Variants in ATRAID observed in about 807,000 individuals in gnomAD.
ATRAID encodes the protein all-trans retinoic acid induced differentiation factor, also known as all-trans retinoic acid-induced differentiation factor.
ATRAID carries 26 observed loss-of-function variants against 28.8 expected under a neutral mutation model. The ratio of observed to expected loss-of-function variants is 0.90; its 90% CI spans 0.66 to 1.25. The LOEUF (loss-of-function observed/expected upper bound fraction) is 1.25. Ranked by LOEUF, ATRAID falls within the 50% of genes most tolerant of loss-of-function variation. ATRAID has a pLI of 0.00. For synonymous variants in ATRAID, 131 were observed against 108.5 expected (o/e 1.21, Z -1.29); for missense variants, 308 against 285.9 (o/e 1.08, Z -0.56).
At position 27,216,873 on chromosome 2, in the gene ATRAID, G is replaced by A. The variant is rs1674867134; in HGVS notation, c.615G>A (p.Gly205=). 6.2e-7 allele frequency: 1 copy of A among 1,614,052 alleles called. No individual in the cohort carries two copies. The highest frequency in any genetic ancestry group is 1.3e-5 in the African/African-American group (1 of 74,920). ...CGTTCTCACTGCTTATGTTCTTCGG[G>A]ATTCTGGGAGCCACCACTCTATCCG... ...QGSFSLLMFF[G]ILGATTLSVS... is the part of the protein sequence containing the mutation. Residue 205 remains glycine (G), a synonymous_variant, in exon 7 of 7, where the codon GGG becomes GGA. Coordinates refer to ENST00000380171, the MANE Select transcript of ATRAID (RefSeq NM_001170795.4).
At chr2:27,216,049 AC>A (rs1159510565) in intron 5 of ATRAID, among the ~76,000 whole-genome samples, 1 of 152,190 alleles carries the variant, frequency 6.6e-6, no homozygotes, top group Non-Finnish European at 1.5e-5. Context: ...ATTAGTTCTT[AC>A]AGGTTTTGGG....
intron 6 of ATRAID, 46 bp downstream of exon 6, chr2:27,216,666 G>A (rs1477176317): frequency 6.5e-7 from 1 of 1,548,510 alleles, no homozygotes; most frequent in South Asian, 1.1e-5. Context: ...AATGCATAGA[G>A]CAAGTCTTCT....
chr2:27,215,577 G>C (rs1449580970), intron 4 of ATRAID, 32 bp downstream of exon 4: 2 of 1,614,184 alleles, frequency 1.2e-6, no homozygotes, highest in Non-Finnish European at 1.7e-6. Flanking sequence ...GAATCAAAGA[G>C]GGATGATGCT....
At chr2:27,212,798 T>C (rs1389450102) in intron 1 of ATRAID, 5 of 617,434 alleles carry the variant, frequency 8.1e-6, no homozygotes, top group Non-Finnish European at 1.2e-5. Context: ...GGTAGGGCTG[T>C]ACTTTTGTAA....
chr2:27,212,464 C>G lies in ATRAID; in HGVS notation c.96C>G (p.Pro32=), dbSNP rs775244461. The G allele has an allele frequency of 4.5e-6, 7 of 1,563,226 alleles. No homozygotes were observed. Among genetic ancestry groups the G allele is most frequent in the Admixed American group, 3.8e-5 (2 of 52,648 alleles). ...GCGTGGAAAGGGCTCTGGCGCTACCCGAGGTACAGAAGCAAGTTTGAGGTC... is the reference window on the plus strand; with the variant it reads ...GCGTGGAAAGGGCTCTGGCGCTACCGGAGGTACAGAAGCAAGTTTGAGGTC... ...ALGVERALAL[P]EICTQCPGSV... The change falls in exon 1 of 7, where the codon CCC becomes CCG. Residue 32 remains proline (P), a synonymous_variant. Coordinates refer to ENST00000380171, the MANE Select transcript of ATRAID (RefSeq NM_001170795.4).
chr2:27,217,125 G>A lies in ATRAID; in HGVS notation c.*177G>A. The A allele has an allele frequency of 3.6e-6, 2 of 561,472 alleles. No homozygotes were observed. Among genetic ancestry groups the A allele is most frequent in the Non-Finnish European group, 6.2e-6 (2 of 323,566 alleles). The allele number at this position is 561,472 out of a possible 1,614,324, so 34.8% of individuals were successfully genotyped here. ...TAGACAAATACCAGTTCCCATTGGT[G>A]TTGTTGCCTATAATAAACACTTTTT... On this transcript the variant is annotated 3_prime_UTR_variant, in exon 7 of 7. Coordinates refer to ENST00000380171, the MANE Select transcript of ATRAID (RefSeq NM_001170795.4).
At chr2:27,212,660 C>A (rs1248037102) in intron 1 of ATRAID, 193 bp downstream of exon 1, 126 of 1,387,962 alleles carry the variant, frequency 9.1e-5, no homozygotes, top group Non-Finnish European at 1.1e-4. Flanking sequence ...CCAGTCCTGC[C>A]GACTTTCAAA....
chr2:27,216,723 G>A, intron 6 of ATRAID, 103 bp downstream of exon 6: 3 of 1,434,906 alleles, frequency 2.1e-6, no homozygotes, highest in Admixed American at 1.7e-5. Context: ...ATTTCCTATA[G>A]GTGGAAAACT....
At chr2:27,215,077 G>A (rs1475037382) in intron 2 of ATRAID, among the ~76,000 whole-genome samples, 1 of 152,162 alleles carries the variant, frequency 6.6e-6, no homozygotes, top group African/African-American at 2.4e-5. Flanking sequence ...TGGGATTACA[G>A]GAGTGAGTCA....
intron 1 of ATRAID, 65 bp downstream of exon 1, chr2:27,212,532 C>A: frequency 6.6e-7 from 1 of 1,505,842 alleles, no homozygotes; most frequent in South Asian, 1.3e-5. Context: ...TCGCGCTCGC[C>A]AGCGGCTCCC....
At chr2:27,213,150 G>A in intron 1 of ATRAID, 27 bp from the exon 2 acceptor site, 1 of 1,603,466 alleles carries the variant, frequency 6.2e-7, no homozygotes, top group Non-Finnish European at 8.5e-7. Flanking sequence ...TCTTTCTGGA[G>A]TTCTAATGTT....
chr2:27,213,054 C>A, intron 1 of ATRAID, 123 bp from the exon 2 acceptor site: 1 of 1,228,094 alleles, frequency 8.1e-7, no homozygotes. Flanking sequence ...AGCCGTTTAT[C>A]CATTTATCGG....
At position 27,216,567 on chromosome 2, in the gene ATRAID, C is replaced by T; in HGVS notation, c.532C>T (p.Leu178Phe). 2.5e-6 allele frequency: 4 copies of T among 1,614,138 alleles called. No homozygotes were observed. The highest frequency in any genetic ancestry group is 3.4e-6 in the Non-Finnish European group (4 of 1,180,016). ...NGSCVPDGPG[L>F]LQCVCADGFH... Reference sequence around the variant, plus strand: ...ATCTTGTGTACCTGATGGTCCAGGTCTTTTGCAGTGTGTTTGTGCTGATGG... The same window carrying T: ...ATCTTGTGTACCTGATGGTCCAGGTTTTTTGCAGTGTGTTTGTGCTGATGG... The change falls in exon 6 of 7, where the codon CTT (leucine) becomes TTT (phenylalanine). Residue 178 changes from leucine (L) to phenylalanine (F), a missense_variant. Physicochemically the swap from Leu to Phe is conservative, Grantham distance 22. Transcript: ENST00000380171.
chr2:27,214,608 C>T (rs979427095), intron 2 of ATRAID, among the ~76,000 whole-genome samples: 2 of 152,110 alleles, frequency 1.3e-5, no homozygotes, highest in African/African-American at 4.8e-5. Flanking sequence ...AATCCCAGCA[C>T]TTTGGGAGGC....
At position 27,215,353 on chromosome 2, in the gene ATRAID, C is replaced by T. The variant is rs767511587; in HGVS notation, c.254C>T (p.Pro85Leu). 1.2e-6 allele frequency: 2 copies of T among 1,614,166 alleles called. No individual in the cohort carries two copies. Among genetic ancestry groups the T allele is most frequent in the African/African-American group, 1.3e-5 (1 of 75,022 alleles). ...CTCCAGAACTGTTCTCTGGAGGACC[C>T]TGGTCCAAACTTTCATCAGGCACAT... is the stretch of plus-strand genomic sequence containing the variant. ...LDLQNCSLED[P>L]GPNFHQAHTT... The change falls in exon 3 of 7, where the codon CCT (proline) becomes CTT (leucine). Residue 85 changes from proline to leucine, a missense_variant. Coordinates refer to ENST00000380171, the MANE Select transcript of ATRAID (RefSeq NM_001170795.4).
chr2:27,216,992 C>A lies in ATRAID; in HGVS notation c.*44C>A. The stretch of plus-strand genomic sequence containing the variant: ...TTGACCTAAGATCAATCTGAACTAT[C>A]TTAGCCCAGTCAGGGAGCTCTGCTT... On this transcript the variant is annotated 3_prime_UTR_variant, in exon 7 of 7. Transcript: ENST00000380171. 1.3e-6 allele frequency: 2 copies of A among 1,504,790 alleles called. No homozygotes were observed. The highest frequency in any genetic ancestry group is 2.4e-5 in the South Asian group (2 of 85,032). The allele number at this position is 1,504,790 out of a possible 1,614,324, so 93.2% of individuals were successfully genotyped here.
rs1240714114 is a variant in ATRAID, at chr2:27,212,211, C to A, written c.-158C>A. 3 of 1,557,112 alleles carry A rather than the reference C, an allele frequency of 1.9e-6. No homozygotes were observed. The highest frequency in any genetic ancestry group is 1.8e-4 in the Middle Eastern group (1 of 5,684). Reference sequence around the variant, plus strand: ...GAAAGAGGGCTAGGGCGCATGAAGACCAGCGCAGAGCTCCACGAGCAGGAA... The same window carrying A: ...GAAAGAGGGCTAGGGCGCATGAAGAACAGCGCAGAGCTCCACGAGCAGGAA... On this transcript the variant is annotated 5_prime_UTR_variant, in exon 1 of 7. Transcript: ENST00000380171.
Position 27,212,341 on chromosome 2 carries a change from G to A in ATRAID, c.-28G>A, listed in dbSNP as rs1252772497. 1 of 1,549,486 alleles carries A rather than the reference G, an allele frequency of 6.5e-7. No homozygotes were observed. The highest frequency in any genetic ancestry group is 8.7e-7 in the Non-Finnish European group (1 of 1,146,334). On this transcript the variant is annotated 5_prime_UTR_variant, in exon 1 of 7. Transcript: ENST00000380171. ...GCGGGGCCGCGGGGCCGGGTCGCGC[G>A]AGCAGCGGAGCACCAAGGGAACGGA...
At chr2:27,216,253 G>A (rs113367928) in intron 5 of ATRAID, 22,457 of 432,962 alleles carry the variant, frequency 0.052, 715 homozygotes, top group African/African-American at 0.088. Flanking sequence ...CACAATGGTG[G>A]AATGTCATCA....
Sources: allele counts gnomAD v4.1 joint callset (sites outside exome capture counted in the v4.1 genomes callset), GRCh38; gene constraint gnomAD v4.1.1; transcripts MANE v1.5; gene names NCBI Gene and HGNC (gene_info 2026-07-23, HGNC 2026-07-21).